GRIP1: variants seen among roughly 807,000 people sequenced by gnomAD.
The protein encoded by GRIP1 is glutamate receptor-interacting protein 1.
A neutral mutation model predicts 129.9 loss-of-function variants in GRIP1; 45 were observed. The ratio of observed to expected loss-of-function variants is 0.35; its 90% CI spans 0.27 to 0.44. GRIP1 has a LOEUF of 0.44. Ranked by LOEUF, GRIP1 falls within the 20% of genes least tolerant of loss-of-function variation. The pLI, the probability that GRIP1 is intolerant of heterozygous loss-of-function variation, is 1.00. For synonymous variants in GRIP1, 530 were observed against 520.8 expected (o/e 1.02, Z -0.24); for missense variants, 1,196 against 1,396.8 (o/e 0.86, Z 2.29).
intron 1 of GRIP1, among the ~76,000 whole-genome samples, chr12:66,638,913 A>G (rs1432748658): frequency 6.6e-6 from 1 of 152,186 alleles, no homozygotes; most frequent in Non-Finnish European, 1.5e-5. Context: ...GCCTTTGGGC[A>G]TTTTACATAA....
rs545256748 is a variant in GRIP1 at position 66,438,848 on chromosome 12, T to C, written c.1687+5736A>G. On this transcript the variant is annotated intron_variant, in intron 13 of 24. Transcript: ENST00000359742. ...AGCTTCTTGTATTCCAAGCAATACATTGGGTGCTAGGTGTACATTCATAAA... is the reference window on the plus strand; with the variant it reads ...AGCTTCTTGTATTCCAAGCAATACACTGGGTGCTAGGTGTACATTCATAAA... 1.1e-4 allele frequency among the ~76,000 whole-genome samples: 16 copies of C among 152,272 alleles called. 1 individual carries two copies. Among genetic ancestry groups the C allele is most frequent in the African/African-American group, 3.8e-4 (16 of 41,560 alleles).
chr12:66,626,659 TTCCCA>T (rs2030091268), intron 1 of GRIP1: 1 of 152,608 alleles, frequency 6.6e-6, no homozygotes, highest in South Asian at 2.1e-4. Flanking sequence ...TTATGTTCTG[TTCCCA>T]TCCCCAGTAA....
At chr12:66,688,211 G>T (rs983773275) in intron 1 of GRIP1, among the ~76,000 whole-genome samples, 5 of 152,122 alleles carry the variant, frequency 3.3e-5, no homozygotes, top group Non-Finnish European at 5.9e-5. Flanking sequence ...GGATCAAAGA[G>T]TCTTGTCTAA....
intron 1 of GRIP1, among the ~76,000 whole-genome samples, chr12:66,820,586 A>T (rs1042519946): frequency 6.6e-6 from 1 of 152,194 alleles, no homozygotes; most frequent in African/African-American, 2.4e-5. Context: ...CATAATTGCC[A>T]AAATTTGGAA....
chr12:66,513,306 C>T (rs1282104438), intron 7 of GRIP1, among the ~76,000 whole-genome samples: 2 of 152,072 alleles, frequency 1.3e-5, no homozygotes, highest in East Asian at 3.8e-4. Context: ...CTATTTTTCC[C>T]TGCTTCCTTT....
At chr12:66,369,488 A>G (rs2055358699) in intron 23 of GRIP1, among the ~76,000 whole-genome samples, 2 of 151,994 alleles carry the variant, frequency 1.3e-5, no homozygotes. Context: ...TTCCTGGGCT[A>G]TCAATAATCT....
chr12:66,444,716 G>A lies in GRIP1; in HGVS notation c.1555C>T (p.Gln519Ter), dbSNP rs1233763340. Residue 519 changes from glutamine to a stop codon, truncating the protein, a stop_gained, in exon 13 of 25, where the codon CAG (glutamine) becomes TAG (stop). Transcript: ENST00000359742. LOFTEE classifies it high-confidence loss of function. ...ATGGCCATCACTCTGTCTCCAATCT[G>A]TAGCACCCCACATCTAATTTAGAAC... ...DSPAERCGVLQIGDRVMAING... is the reference protein window; with the variant it reads ...DSPAERCGVL 1.2e-6 allele frequency: 2 copies of A among 1,613,920 alleles called. No homozygotes were observed. Among genetic ancestry groups the A allele is most frequent in the Non-Finnish European group, 1.7e-6 (2 of 1,179,976 alleles).
chr12:66,959,084 C>A (rs1339394892), intron 1 of GRIP1, among the ~76,000 whole-genome samples: 3 of 152,128 alleles, frequency 2.0e-5, no homozygotes, highest in South Asian at 4.1e-4. Context: ...AGTCTATATT[C>A]TTTCCCCATT....
chr12:66,859,258 T>TG lies in GRIP1; in HGVS notation c.58+209791dup, dbSNP rs71088215. 8.4e-3 allele frequency among the ~76,000 whole-genome samples: 383 copies of TG among 45,762 alleles called. 19 individuals are homozygous for TG. Among genetic ancestry groups the TG allele is most frequent in the Middle Eastern group, 0.021 (1 of 48 alleles). 30.0% of individuals were successfully genotyped at this position (45,762 alleles called of 152,430 possible). ...AGACTAGCATATTCTCCACATTTTC[T>TG]GAAAAAAAACAAAAAAACAAAAAAA... On this transcript the variant is annotated intron_variant, in intron 1 of 1. Transcript: ENST00000643019.
chr12:66,846,533 G>A (rs559345491), intron 1 of GRIP1, among the ~76,000 whole-genome samples: 1 of 152,252 alleles, frequency 6.6e-6, no homozygotes, highest in East Asian at 1.9e-4. Flanking sequence ...CGATTATTTA[G>A]GTATGGCAAA....
At chr12:66,827,106 C>G (rs61928272) in intron 1 of GRIP1, among the ~76,000 whole-genome samples, 1 of 152,094 alleles carries the variant, frequency 6.6e-6, no homozygotes, top group East Asian at 1.9e-4. Flanking sequence ...AATTTAGTGG[C>G]TTACAACTAT....
At chr12:66,428,297 G>C (rs191367409) in intron 14 of GRIP1, among the ~76,000 whole-genome samples, 2 of 152,156 alleles carry the variant, frequency 1.3e-5, no homozygotes, top group African/African-American at 2.4e-5. Flanking sequence ...GCAGTGAGTA[G>C]AGCTTTTTAC....
chr12:66,351,508 A>AAAAGTTT (rs1186054375), intron 24 of GRIP1, among the ~76,000 whole-genome samples: 1 of 151,746 alleles, frequency 6.6e-6, no homozygotes, highest in Non-Finnish European at 1.5e-5. Flanking sequence ...CCTGCTCTCA[A>AAAAGTTT]AAAGTTTACA....
chr12:66,630,557 A>T (rs940307342), intron 1 of GRIP1, among the ~76,000 whole-genome samples: 2 of 152,190 alleles, frequency 1.3e-5, no homozygotes, highest in Admixed American at 1.3e-4. Flanking sequence ...TGGAGAAGTT[A>T]GTTGAAAACA....
intron 13 of GRIP1, 31 bp from the exon 14 acceptor site, chr12:66,432,659 T>G (rs1010793319): frequency 2.4e-6 from 3 of 1,234,086 alleles, no homozygotes; most frequent in Admixed American, 1.7e-5. Flanking sequence ...AATGTGTTAA[T>G]AGAACACTGA....
intron 7 of GRIP1, among the ~76,000 whole-genome samples, chr12:66,515,188 T>C (rs937628572): frequency 6.6e-6 from 1 of 152,128 alleles, no homozygotes; most frequent in African/African-American, 2.4e-5. Flanking sequence ...GTCGTTTCTA[T>C]TATTTTGATT....
chr12:66,863,557 T>C (rs560154134), intron 1 of GRIP1, among the ~76,000 whole-genome samples: 1 of 151,994 alleles, frequency 6.6e-6, no homozygotes, highest in East Asian at 1.9e-4. Context: ...AGTGCATTCC[T>C]AGCAGAGAAG....
intron 1 of GRIP1, among the ~76,000 whole-genome samples, chr12:66,825,464 C>T (rs1045059053): frequency 1.3e-5 from 2 of 152,130 alleles, no homozygotes; most frequent in Non-Finnish European, 2.9e-5. Context: ...TTCATCTTAT[C>T]CTTAGGGATT....
chr12:66,860,931 T>C (rs761256314), intron 1 of GRIP1, among the ~76,000 whole-genome samples: 68 of 152,004 alleles, frequency 4.5e-4, no homozygotes, highest in Non-Finnish European at 8.7e-4. Context: ...TTTGTGGACA[T>C]TTCATTCAAG....
Sources: gnomAD v4.1 joint callset for allele counts (sites outside exome capture counted in the v4.1 genomes callset) on GRCh38, gnomAD v4.1.1 for gene constraint, MANE v1.5 for transcripts, NCBI Gene and HGNC (gene_info 2026-07-23, HGNC 2026-07-21) for gene names.